Variants in DLG2 observed in about 807,000 individuals in gnomAD.
The protein encoded by DLG2 is disks large homolog 2.
A neutral mutation model predicts 132.5 loss-of-function variants in DLG2; 45 were observed. The ratio of observed to expected loss-of-function variants is 0.34; its 90% CI spans 0.27 to 0.44. DLG2 has a LOEUF of 0.44. Among genes scored for constraint, DLG2 ranks in the 20% least tolerant of loss-of-function variants. The pLI, the probability that DLG2 is intolerant of heterozygous loss-of-function variation, is 1.00. For synonymous variants in DLG2, 424 were observed against 419.6 expected (o/e 1.01, Z -0.13); for missense variants, 1,045 against 1,196.9 (o/e 0.87, Z 1.87).
chr11:84,511,302 A>T (rs1265561440), intron 7 of DLG2, among the ~76,000 whole-genome samples: 1 of 152,134 alleles, frequency 6.6e-6, no homozygotes, highest in African/African-American at 2.4e-5. Flanking sequence ...TATAGGACTA[A>T]TCAAATATGA....
intron 7 of DLG2, among the ~76,000 whole-genome samples, chr11:84,283,327 C>G (rs1283750325): frequency 6.6e-6 from 1 of 152,134 alleles, no homozygotes; most frequent in Non-Finnish European, 1.5e-5. Context: ...TGGCCAAGTT[C>G]CATAGTTTCT....
At chr11:84,664,760 C>T (rs1474912049) in intron 6 of DLG2, among the ~76,000 whole-genome samples, 2 of 152,150 alleles carry the variant, frequency 1.3e-5, no homozygotes, top group African/African-American at 2.4e-5. Context: ...TATCATACTT[C>T]TCTCCTTTCC....
intron 19 of DLG2, among the ~76,000 whole-genome samples, chr11:83,592,079 A>G (rs369841943): frequency 7.1e-6 from 1 of 140,310 alleles, no homozygotes; most frequent in Non-Finnish European, 1.6e-5. Context: ...AAGGTAATTT[A>G]CAGATTCAAT....
intron 18 of DLG2, among the ~76,000 whole-genome samples, chr11:83,658,078 C>T (rs2073208578): frequency 6.6e-6 from 1 of 152,188 alleles, no homozygotes; most frequent in Non-Finnish European, 1.5e-5. Context: ...TTCTGGAAAA[C>T]ACTTAGCAGG....
intron 15 of DLG2, among the ~76,000 whole-genome samples, chr11:83,913,496 T>C (rs2076412570): frequency 6.6e-6 from 1 of 152,138 alleles, no homozygotes. Flanking sequence ...AAGGCAAACA[T>C]GGAAATCAAG....
At position 83,724,915 on chromosome 11, in the gene DLG2, T is replaced by G. The variant is rs924069097; in HGVS notation, c.1825+61775A>C. On this transcript the variant is annotated intron_variant, in intron 18 of 27. Transcript: ENST00000376104. ...CATAGCAGGCAGCTGCTTCCCAAAT[T>G]CAGCTCTGTTCCCTCCTCCTGGTTG... is the stretch of plus-strand genomic sequence containing the variant. 14 of 702,338 alleles carry G rather than the reference T, an allele frequency of 2.0e-5. No homozygotes were observed. The African/African-American group carries it at 2.1e-4, about 11-fold the overall frequency. 43.5% of individuals were successfully genotyped at this position (702,338 alleles called of 1,614,324 possible).
At chr11:84,103,509 C>T (rs562969025) in intron 9 of DLG2, among the ~76,000 whole-genome samples, 1 of 152,130 alleles carries the variant, frequency 6.6e-6, no homozygotes, top group East Asian at 1.9e-4. Context: ...TAAGGGCAGA[C>T]CCTGTAAAGG....
intron 18 of DLG2, among the ~76,000 whole-genome samples, chr11:83,649,030 A>G (rs1257853382): frequency 6.6e-6 from 1 of 152,184 alleles, no homozygotes; most frequent in Non-Finnish European, 1.5e-5. Context: ...TTAAAATCCA[A>G]TTAGGATGGT....
chr11:84,524,824 G>A (rs760295621), intron 7 of DLG2, among the ~76,000 whole-genome samples: 1 of 151,012 alleles, frequency 6.6e-6, no homozygotes, highest in Non-Finnish European at 1.5e-5. Context: ...TGACTGTTGG[G>A]GTCAAATGTA....
At chr11:83,668,509 T>A (rs2076130173) in intron 18 of DLG2, among the ~76,000 whole-genome samples, 1 of 152,044 alleles carries the variant, frequency 6.6e-6, no homozygotes, top group South Asian at 2.1e-4. Flanking sequence ...TAAGTAGAGG[T>A]AATCACTGTT....
chr11:83,459,761 T>G lies in DLG2; in HGVS notation c.*57A>C. ...ATAAAAGCCTCCAAGTAGTATGTTA[T>G]ATATATTTTGTTCTTCTAAATGCTC... On this transcript the variant is annotated 3_prime_UTR_variant, in exon 28 of 28. Transcript: ENST00000376104. The G allele has an allele frequency of 2.2e-6, 2 of 913,596 alleles. No homozygotes were observed. The highest frequency in any genetic ancestry group is 2.7e-5 in the South Asian group (2 of 74,862). The allele number at this position is 913,596 out of a possible 1,614,324, so 56.6% of individuals were successfully genotyped here.
chr11:84,545,930 A>G (rs185994843), intron 6 of DLG2, among the ~76,000 whole-genome samples: 1 of 151,732 alleles, frequency 6.6e-6, no homozygotes, highest in Admixed American at 6.6e-5. Flanking sequence ...TAATTTTCTT[A>G]TTTTTAGTAG....
intron 3 of DLG2, among the ~76,000 whole-genome samples, chr11:85,332,541 C>G (rs2081836904): frequency 6.6e-6 from 1 of 152,032 alleles, no homozygotes; most frequent in Non-Finnish European, 1.5e-5. Context: ...AGAGCTGATG[C>G]CAGAATGATA....
chr11:84,612,604 G>C (rs565497383), intron 6 of DLG2, among the ~76,000 whole-genome samples: 3 of 152,154 alleles, frequency 2.0e-5, no homozygotes, highest in African/African-American at 7.2e-5. Context: ...AGCTAGAGTG[G>C]TAGTTTAATT....
chr11:83,483,833 A>G (rs1565415704), intron 22 of DLG2, among the ~76,000 whole-genome samples: 1 of 152,166 alleles, frequency 6.6e-6, no homozygotes, highest in Non-Finnish European at 1.5e-5. Flanking sequence ...CAAGACTTAG[A>G]GGGTTGCATG....
chr11:85,399,224 G>A (rs1448213029), intron 3 of DLG2, among the ~76,000 whole-genome samples: 1 of 152,024 alleles, frequency 6.6e-6, no homozygotes, highest in African/African-American at 2.4e-5. Context: ...AACTTCCAGG[G>A]GATATGAAGG....
At chr11:83,777,306 C>T (rs1481510469) in intron 18 of DLG2, among the ~76,000 whole-genome samples, 1 of 152,110 alleles carries the variant, frequency 6.6e-6, no homozygotes, top group Non-Finnish European at 1.5e-5. Context: ...CTTTTAAAGA[C>T]TTAGGTAATG....
At chr11:84,533,096 C>A (rs938554005) in intron 7 of DLG2, among the ~76,000 whole-genome samples, 11 of 152,148 alleles carry the variant, frequency 7.2e-5, no homozygotes, top group African/African-American at 2.7e-4. Context: ...AGTCATTATC[C>A]ATTGCTGAAA....
At chr11:85,379,663 A>T (rs1244900196) in intron 3 of DLG2, among the ~76,000 whole-genome samples, 1 of 152,218 alleles carries the variant, frequency 6.6e-6, no homozygotes, top group African/African-American at 2.4e-5. Flanking sequence ...ACTTCCAGGA[A>T]ATTAGTAAAC....
Sources: allele counts gnomAD v4.1 joint callset (sites outside exome capture counted in the v4.1 genomes callset), GRCh38; gene constraint gnomAD v4.1.1; transcripts MANE v1.5; gene names NCBI Gene and HGNC (gene_info 2026-07-23, HGNC 2026-07-21).